RHOT2: variants seen among roughly 807,000 people sequenced by gnomAD.
RHOT2 encodes the protein ras homolog family member T2.
RHOT2 carries 90 observed loss-of-function variants against 81.6 expected under a neutral mutation model. That is an observed-to-expected ratio of 1.10 (90% CI 0.93 to 1.31). RHOT2 has a LOEUF of 1.31. RHOT2 is among the 40% of genes most tolerant of loss of function. The pLI is 0.00. For synonymous variants in RHOT2, 512 were observed against 370.9 expected (o/e 1.38, Z -4.37); for missense variants, 1,014 against 841.9 (o/e 1.20, Z -2.53).
rs2038562556 is a variant in RHOT2 at position 669,611 on chromosome 16, G to A, written c.276+5G>A. On this transcript the variant is annotated splice_donor_5th_base_variant and intron_variant, in intron 5 of 18. Transcript: ENST00000315082. ...GAGGAGGCCACCATTGAGAAGGTGA[G>A]CCCTCAGTGCAGACCCCAACAGCAG... 1 of 1,611,420 alleles carries A rather than the reference G, an allele frequency of 6.2e-7. No homozygotes were observed. Among genetic ancestry groups the A allele is most frequent in the Non-Finnish European group, 8.5e-7 (1 of 1,179,806 alleles).
Position 670,262 on chromosome 16 carries a change from C to T in RHOT2, c.343C>T (p.Leu115=), listed in dbSNP as rs2038694177. The change falls in exon 7 of 19, where the codon CTA becomes TTA. Residue 115 remains leucine (L), a synonymous_variant. Coordinates refer to ENST00000315082, the MANE Select transcript of RHOT2 (RefSeq NM_138769.3). ...TTQGPRVPII[L]VGNKSDLRSG... ...CCTTCAACCCAGGGTGCCCATCATC[C>T]TAGTGGGCAACAAGTCAGACCTGCG... 1.2e-6 allele frequency: 2 copies of T among 1,612,630 alleles called. No homozygotes were observed. Among genetic ancestry groups the T allele is most frequent in the Non-Finnish European group, 1.7e-6 (2 of 1,179,876 alleles).
In RHOT2 at chr16:671,559, A is replaced by C. The variant is rs567432093; in HGVS notation, c.870-138A>C. On this transcript the variant is annotated intron_variant, in intron 11 of 18. Transcript: ENST00000315082. ...ACCCTCCTCCCCTATCGCAGCTGCAAGGTCGGGGGCGTACAGGAGCCTCTG... is the reference window on the plus strand; with the variant it reads ...ACCCTCCTCCCCTATCGCAGCTGCACGGTCGGGGGCGTACAGGAGCCTCTG... The C allele has an allele frequency of 1.1e-3, 1,035 of 939,704 alleles. 1 individual carries two copies. Among genetic ancestry groups the C allele is most frequent in the Non-Finnish European group, 1.5e-3 (927 of 626,890 alleles). The allele number at this position is 939,704 out of a possible 1,614,324, so 58.2% of individuals were successfully genotyped here. A position where few individuals can be genotyped will look rare whatever the true frequency, so the allele number is the denominator to read the frequency against.
Position 668,339 on chromosome 16 carries a change from C to T in RHOT2, c.38-14C>T. ...TGACCTTGGCCCTCGCGCTGACCGC[C>T]TCGCCCCGCGCAGCCCAGGTGGGGA... On this transcript the variant is annotated splice_polypyrimidine_tract_variant and intron_variant, in intron 1 of 18. Transcript: ENST00000315082. The T allele has an allele frequency of 1.4e-6, 2 of 1,390,894 alleles. No homozygotes were observed. Among genetic ancestry groups the T allele is most frequent in the Non-Finnish European group, 1.9e-6 (2 of 1,079,230 alleles). The allele number at this position is 1,390,894 out of a possible 1,614,324, so 86.2% of individuals were successfully genotyped here.
intron 5 of RHOT2, 44 bp downstream of exon 5, chr16:669,650 G>A (rs202220828): frequency 6.9e-6 from 11 of 1,595,058 alleles, no homozygotes; most frequent in Admixed American, 3.3e-5. Flanking sequence ...CACAGTGGCC[G>A]GTGGTGGCCC....
Position 670,725 on chromosome 16 carries a change from TC to T in RHOT2, c.592del (p.Gln198ArgfsTer32). 1 of 1,612,478 alleles carries T rather than the reference TC, an allele frequency of 6.2e-7. No individual in the cohort carries two copies. Among genetic ancestry groups the T allele is most frequent in the Non-Finnish European group, 8.5e-7 (1 of 1,179,948 alleles). The part of the protein sequence containing the change: ...ALTRIFRLSD[Q>X]DLDQALSDEE... ...TGACGCGCATCTTCAGGCTCTCAGATCAGGACCTGGACCAGGCGCTCAGTGA... is the reference window on the plus strand; with the variant it reads ...TGACGCGCATCTTCAGGCTCTCAGATAGGACCTGGACCAGGCGCTCAGTGA... On this transcript the variant is annotated frameshift_variant, in exon 9 of 19. Transcript: ENST00000315082. LOFTEE classifies it high-confidence loss of function.
rs375209269 is a variant in RHOT2 at position 672,834 on chromosome 16, C to T, written c.1527+9C>T. The T allele has an allele frequency of 1.9e-6, 3 of 1,612,614 alleles. No homozygotes were observed. Among genetic ancestry groups the T allele is most frequent in the East Asian group, 2.2e-5 (1 of 44,886 alleles). On this transcript the variant is annotated intron_variant, in intron 17 of 18. Coordinates refer to ENST00000315082, the MANE Select transcript of RHOT2 (RefSeq NM_138769.3). The stretch of plus-strand genomic sequence containing the variant: ...GTGCCAGCGTCTACAAGGTGGGGCC[C>T]TGCAGGGGCCACGTGGCCATGGGGC...
At position 669,687 on chromosome 16, in the gene RHOT2, C is replaced by T. The variant is rs909190394; in HGVS notation, c.276+81C>T. ...GGTGGACCTTCACCCAACCCGTGGC[C>T]AGTGCCATCGCTCACAGCATTTTGG... On this transcript the variant is annotated intron_variant, in intron 5 of 18. Transcript: ENST00000315082. The T allele has an allele frequency of 8.5e-6, 12 of 1,416,890 alleles. No individual in the cohort carries two copies. In the African/African-American group the frequency reaches 1.3e-4, roughly 15 times the overall value. 87.8% of individuals were successfully genotyped at this position (1,416,890 alleles called of 1,614,324 possible).
In RHOT2 at chr16:671,175, G is replaced by T; in HGVS notation, c.841G>T (p.Glu281Ter). Residue 281 changes from glutamate to a stop codon, truncating the protein, a stop_gained, in exon 11 of 19, where the codon GAG becomes TAG. Coordinates refer to ENST00000315082, the MANE Select transcript of RHOT2 (RefSeq NM_138769.3). LOFTEE classifies it high-confidence loss of function. Reference protein sequence around the residue: ...LRRFGYSDALELTADYLSPLI... With the variant: ...LRRFGYSDAL ...GCGCTTCGGCTACAGCGATGCCCTG[G>T]AGCTGACTGCGGACTATCTCTCCCC... 1 of 1,578,126 alleles carries T rather than the reference G, an allele frequency of 6.3e-7. No individual in the cohort carries two copies.
At position 668,579 on chromosome 16, in the gene RHOT2, G is replaced by A. The variant is rs2038326952; in HGVS notation, c.178+10G>A. ...ATCGTGGACTACTCAGGTAGCGGCC[G>A]TAGCCTCCCGGGGGCCCGGCCCGCA... On this transcript the variant is annotated intron_variant, in intron 3 of 18. Coordinates refer to ENST00000315082, the MANE Select transcript of RHOT2 (RefSeq NM_138769.3). The A allele has an allele frequency of 1.9e-6, 3 of 1,610,300 alleles. No individual in the cohort carries two copies. The highest frequency in any genetic ancestry group is 1.7e-6 in the Non-Finnish European group (2 of 1,178,992).
chr16:669,859 G>T (rs1006795949), intron 5 of RHOT2: 1 of 615,836 alleles, frequency 1.6e-6, no homozygotes, highest in Non-Finnish European at 2.8e-6. Context: ...CCCCCGGGGG[G>T]GGACCCGCAG....
chr16:670,695 G>C lies in RHOT2; in HGVS notation c.561G>C (p.Gln187His). Residue 187 changes from glutamine (Q) to histidine (H), a missense_variant, in exon 9 of 19, where the codon CAG becomes CAC. Gln to His is a conservative substitution (Grantham distance 24). Transcript: ENST00000315082. ...CACAGTTGAGGCCCGCGTGCGCCCA[G>C]GCGCTGACGCGCATCTTCAGGCTCT... ...EAKQLRPACA[Q>H]ALTRIFRLSD... The C allele has an allele frequency of 1.2e-6, 2 of 1,612,358 alleles. No homozygotes were observed. Among genetic ancestry groups the C allele is most frequent in the East Asian group, 2.2e-5 (1 of 44,876 alleles).
rs201736953 is a variant in RHOT2 at position 672,079 on chromosome 16, C to A, written c.1098-5C>A. On this transcript the variant is annotated splice_region_variant and splice_polypyrimidine_tract_variant and intron_variant, in intron 13 of 18. Transcript: ENST00000315082. ...ACACTGTGCCTGCCTCCCGCCCACCCCCAGCCTGGTGACCTACCTGGACGT... is the reference window on the plus strand; with the variant it reads ...ACACTGTGCCTGCCTCCCGCCCACCACCAGCCTGGTGACCTACCTGGACGT... 13 of 1,612,592 alleles carry A rather than the reference C, an allele frequency of 8.1e-6. No individual in the cohort carries two copies. In the Admixed American group the frequency reaches 2.0e-4, roughly 25 times the overall value.
chr16:670,613 G>GT, intron 8 of RHOT2, 56 bp downstream of exon 8: 1 of 1,602,330 alleles, frequency 6.2e-7, no homozygotes, highest in Non-Finnish European at 8.5e-7. Context: ...GGGGGTGCTG[G>GT]GTGGGGCGGT....
rs199527742 is a variant in RHOT2, at chr16:671,101, C to T, written c.767C>T (p.Thr256Met). ...LTLDGFLFLN[T>M]LFIQRGRHET... Reference sequence around the variant, plus strand: ...GGTGCAGGTTTCCTCTTCCTGAACACGCTCTTCATCCAGCGCGGCCGGCAC... The same window carrying T: ...GGTGCAGGTTTCCTCTTCCTGAACATGCTCTTCATCCAGCGCGGCCGGCAC... The change falls in exon 11 of 19, where the codon ACG becomes ATG. Residue 256 changes from threonine to methionine, a missense_variant. Transcript: ENST00000315082. The T allele has an allele frequency of 2.7e-5, 44 of 1,609,194 alleles. No homozygotes were observed. Among genetic ancestry groups the T allele is most frequent in the South Asian group, 2.5e-4 (23 of 91,068 alleles).
At chr16:670,383 C>T (rs1207293520) in intron 7 of RHOT2, 26 bp downstream of exon 7, 13 of 1,611,010 alleles carry the variant, frequency 8.1e-6, no homozygotes, top group Non-Finnish European at 1.1e-5. Flanking sequence ...GCAGGGCCGC[C>T]TCCTTCATTC....
chr16:672,877 C>G (rs763687539), intron 17 of RHOT2, 51 bp from the exon 18 acceptor site: 1 of 1,612,488 alleles, frequency 6.2e-7, no homozygotes, highest in Non-Finnish European at 8.5e-7. Flanking sequence ...GTCCCTCCAG[C>G]TGTGCCTCGG....
At chr16:670,404 C>A in intron 7 of RHOT2, 47 bp downstream of exon 7, 1 of 1,609,418 alleles carries the variant, frequency 6.2e-7, no homozygotes, top group Non-Finnish European at 8.5e-7. Context: ...CTTGTGTTCT[C>A]AGTCGGTGCC....
intron 1 of RHOT2, 35 bp from the exon 2 acceptor site, chr16:668,316 ACC>A: frequency 7.4e-7 from 1 of 1,359,152 alleles, no homozygotes; most frequent in Non-Finnish European, 9.4e-7. Flanking sequence ...GGGCGCCGTG[ACC>A]TTGGCCCTCG....
In RHOT2 at chr16:670,250, G is replaced by T; in HGVS notation, c.331G>T (p.Val111Leu). 6.2e-7 allele frequency: 1 copy of T among 1,612,486 alleles called. No individual in the cohort carries two copies. The highest frequency in any genetic ancestry group is 8.5e-7 in the Non-Finnish European group (1 of 1,179,798). ...GGTGACCATGGGCCTTCAACCCAGG[G>T]TGCCCATCATCCTAGTGGGCAACAA... ...VNGGTTQGPR[V>L]PIILVGNKSD... The change falls in exon 7 of 19, where the codon GTG becomes TTG. Residue 111 changes from valine to leucine, a missense_variant and splice_region_variant. By Grantham distance (32) the Val-to-Leu change is conservative (BLOSUM62 1). Coordinates refer to ENST00000315082, the MANE Select transcript of RHOT2 (RefSeq NM_138769.3).
Sources: gnomAD v4.1 joint callset for allele counts on GRCh38, gnomAD v4.1.1 for gene constraint, MANE v1.5 for transcripts, NCBI Gene and HGNC (gene_info 2026-07-23, HGNC 2026-07-21) for gene names.